Variants in GPM6A observed in about 807,000 individuals in gnomAD.
GPM6A encodes the protein glycoprotein M6A.
Under a neutral mutation model 32.1 loss-of-function variants are expected in GPM6A, and 7 were observed. The ratio of observed to expected loss-of-function variants is 0.22; its 90% CI spans 0.12 to 0.41. The LOEUF (loss-of-function observed/expected upper bound fraction) is 0.41, where lower values mean the gene tolerates loss of function less well. Among genes scored for constraint, GPM6A ranks in the 10% least tolerant of loss-of-function variants. The probability of loss-of-function intolerance (pLI) is 1.00; values close to 1 mark genes in which losing one functional copy is unlikely to be tolerated. For missense variants in GPM6A, 235 were observed against 347.2 expected, an observed-to-expected ratio of 0.68 and a Z score of 2.57; for synonymous variants, 130 against 123.4, an observed-to-expected ratio of 1.05 and a Z score of -0.35.
chr4:175,754,014 G>GA (rs1732435883), intron 1 of GPM6A, among the ~76,000 whole-genome samples: 1 of 152,022 alleles, frequency 6.6e-6, no homozygotes. Flanking sequence ...ACTCCAACTA[G>GA]AAAAATCTAT....
At chr4:175,650,859 A>G (rs1579342214) in intron 4 of GPM6A, among the ~76,000 whole-genome samples, 1 of 152,310 alleles carries the variant, frequency 6.6e-6, no homozygotes, top group Middle Eastern at 3.4e-3. Flanking sequence ...CCCAGGTGTT[A>G]GTAGGGTGGC....
At chr4:175,637,408 A>G (rs1302533379) in intron 6 of GPM6A, among the ~76,000 whole-genome samples, 1 of 81,600 alleles carries the variant, frequency 1.2e-5, no homozygotes, top group Non-Finnish European at 2.2e-5. Flanking sequence ...AATATAGTAT[A>G]TATATAAAAA....
At chr4:175,853,008 A>G (rs935817539) in intron 1 of GPM6A, among the ~76,000 whole-genome samples, 2 of 152,222 alleles carry the variant, frequency 1.3e-5, no homozygotes, top group East Asian at 3.9e-4. Flanking sequence ...GTTATTGCCA[A>G]TATCATGCTT....
At chr4:175,871,476 A>G (rs1736905723) in intron 1 of GPM6A, among the ~76,000 whole-genome samples, 1 of 152,160 alleles carries the variant, frequency 6.6e-6, no homozygotes, top group East Asian at 1.9e-4. Context: ...TCTCAAAAAA[A>G]ATAAAAATAA....
chr4:175,901,869 C>G (rs1394863817), intron 1 of GPM6A, among the ~76,000 whole-genome samples: 2 of 151,908 alleles, frequency 1.3e-5, no homozygotes, highest in Non-Finnish European at 2.9e-5. Flanking sequence ...CTAAAGTGAT[C>G]CACCCACCTC....
intron 1 of GPM6A, among the ~76,000 whole-genome samples, chr4:175,864,915 C>G (rs1736684212): frequency 6.6e-6 from 1 of 152,080 alleles, no homozygotes; most frequent in African/African-American, 2.4e-5. Context: ...AAGCAATTCT[C>G]CTGCCTCAGC....
intron 1 of GPM6A, among the ~76,000 whole-genome samples, chr4:175,722,520 C>A (rs954676811): frequency 1.6e-4 from 25 of 152,058 alleles, no homozygotes; most frequent in Admixed American, 5.9e-4. Context: ...CGCGGCTGCA[C>A]CCTTTTGCAG....
intron 1 of GPM6A, among the ~76,000 whole-genome samples, chr4:175,895,937 T>C (rs1000103823): frequency 5.9e-5 from 9 of 152,214 alleles, no homozygotes; most frequent in East Asian, 5.8e-4. Context: ...TTCTATTACA[T>C]TGGCTTTTAT....
At chr4:175,821,037 T>C (rs1051136356) in intron 1 of GPM6A, among the ~76,000 whole-genome samples, 2 of 152,146 alleles carry the variant, frequency 1.3e-5, no homozygotes, top group Non-Finnish European at 2.9e-5. Flanking sequence ...GGGTAGGAGA[T>C]TATGTATGTC....
intron 1 of GPM6A, among the ~76,000 whole-genome samples, chr4:175,722,351 T>A (rs1579426898): frequency 6.6e-6 from 1 of 152,006 alleles, no homozygotes; most frequent in African/African-American, 2.4e-5. Flanking sequence ...TAGAAGGGAA[T>A]AAAGACCCCC....
chr4:175,917,365 G>T (rs1299664318), intron 1 of GPM6A, among the ~76,000 whole-genome samples: 3 of 152,060 alleles, frequency 2.0e-5, no homozygotes, highest in African/African-American at 4.8e-5. Flanking sequence ...CCCCTTGCCT[G>T]CATTGAAGGA....
At chr4:175,770,137 C>T (rs1009308071) in intron 1 of GPM6A, among the ~76,000 whole-genome samples, 2 of 152,184 alleles carry the variant, frequency 1.3e-5, no homozygotes, top group African/African-American at 4.8e-5. Flanking sequence ...AGCAATTCTC[C>T]TGCCTCAGCC....
chr4:175,645,727 CA>C (rs1457611794), intron 4 of GPM6A, among the ~76,000 whole-genome samples: 2 of 152,032 alleles, frequency 1.3e-5, no homozygotes, highest in East Asian at 3.9e-4. Context: ...TCTCAAAAAA[CA>C]AACAAACAAA....
At chr4:175,638,217 ATAT>A (rs2110878250) in intron 6 of GPM6A, among the ~76,000 whole-genome samples, 1 of 151,820 alleles carries the variant, frequency 6.6e-6, no homozygotes, top group South Asian at 2.1e-4. Context: ...TTTTTAAGAA[ATAT>A]TATTAATAAT....
intron 1 of GPM6A, among the ~76,000 whole-genome samples, chr4:175,745,847 T>G (rs2054453539): frequency 1.3e-5 from 2 of 152,148 alleles, no homozygotes; most frequent in Non-Finnish European, 2.9e-5. Flanking sequence ...TTGGGAAGAC[T>G]TCTTCATGTG....
chr4:175,918,069 A>G (rs1235243979), intron 1 of GPM6A, among the ~76,000 whole-genome samples: 1 of 152,060 alleles, frequency 6.6e-6, no homozygotes, highest in Admixed American at 6.6e-5. Flanking sequence ...TATTATATAA[A>G]TCTTGATTCC....
At chr4:175,979,550 G>T (rs74991463) in intron 1 of GPM6A, among the ~76,000 whole-genome samples, 1 of 151,886 alleles carries the variant, frequency 6.6e-6, no homozygotes. Context: ...AGCTTCATCC[G>T]TGCAACAAAC....
intron 1 of GPM6A, among the ~76,000 whole-genome samples, chr4:175,707,953 G>C (rs1367422328): frequency 6.6e-6 from 1 of 151,484 alleles, no homozygotes; most frequent in African/African-American, 2.4e-5. Flanking sequence ...GCATTCATGA[G>C]AAAAAAAATG....
At chr4:175,962,472 C>T (rs1182529866) in intron 1 of GPM6A, 1 of 623,598 alleles carries the variant, frequency 1.6e-6, no homozygotes, top group Non-Finnish European at 3.1e-6. Context: ...TTTGCTTCTC[C>T]AATGCGCAAG....
Sources: allele counts gnomAD v4.1 joint callset (sites outside exome capture counted in the v4.1 genomes callset), GRCh38; gene constraint gnomAD v4.1.1; transcripts MANE v1.5; gene names NCBI Gene and HGNC (gene_info 2026-07-23, HGNC 2026-07-21).